PFDN6: variants seen among roughly 807,000 people sequenced by gnomAD.
The protein encoded by PFDN6 is prefoldin subunit 6.
A neutral mutation model predicts 19.3 loss-of-function variants in PFDN6; 5 were observed. The ratio of observed to expected loss-of-function variants is 0.26; its 90% CI spans 0.14 to 0.55. PFDN6 has a LOEUF of 0.55. Ranked by LOEUF, PFDN6 falls within the 20% of genes least tolerant of loss-of-function variation. PFDN6 has a pLI of 0.94. For synonymous variants in PFDN6, 51 were observed against 63.4 expected, an observed-to-expected ratio of 0.80 and a Z score of 0.93; for missense variants, 101 against 149.4, an observed-to-expected ratio of 0.68 and a Z score of 1.69.
At chr6:33,289,347 T>C, upstream of PFDN6, 1 of 1,353,948 alleles carries the variant, frequency 7.4e-7, no homozygotes, top group Non-Finnish European at 9.5e-7. Context: ...GAACAGTTTT[T>C]GGCACCTTAT....
At chr6:33,290,291 T>G in intron 2 of PFDN6, 35 bp from the exon 3 acceptor site, 1 of 1,613,946 alleles carries the variant, frequency 6.2e-7, no homozygotes, top group Non-Finnish European at 8.5e-7. Context: ...GTACTAGCCA[T>G]GGTTCTGATC....
At position 33,289,675 on chromosome 6, in the gene PFDN6, A is replaced by G. The variant is rs145180072; in HGVS notation, c.-182A>G. On this transcript the variant is annotated 5_prime_UTR_variant, in exon 1 of 4. Transcript: ENST00000374606. Reference sequence around the variant, plus strand: ...CTTGGGGTCTTGCGTTTCGCCCACCATCTCCTGGGGACAGGGTGGAGTCGA... The same window carrying G: ...CTTGGGGTCTTGCGTTTCGCCCACCGTCTCCTGGGGACAGGGTGGAGTCGA... 60 of 545,494 alleles carry G rather than the reference A, an allele frequency of 1.1e-4. No individual in the cohort carries two copies. In the East Asian group the frequency reaches 1.9e-3, roughly 18 times the overall value. The allele number at this position is 545,494 out of a possible 1,614,324, so 33.8% of individuals were successfully genotyped here.
Position 33,289,735 on chromosome 6 carries a change from A to T in PFDN6, c.-122A>T. 1.3e-6 allele frequency: 1 copy of T among 772,478 alleles called. No homozygotes were observed. The highest frequency in any genetic ancestry group is 2.0e-6 in the Non-Finnish European group (1 of 498,066). The allele number at this position is 772,478 out of a possible 1,614,324, so 47.9% of individuals were successfully genotyped here. On this transcript the variant is annotated 5_prime_UTR_variant, in exon 1 of 4. Transcript: ENST00000374606. The stretch of plus-strand genomic sequence containing the variant: ...CGGGGGGGAGGTTGCGGTGCCCCTC[A>T]GGGCTACCTCTCAAGAGTGCTATCA...
At chr6:33,289,337 G>A, upstream of PFDN6, 2 of 1,374,880 alleles carry the variant, frequency 1.5e-6, no homozygotes, top group Non-Finnish European at 9.4e-7. Context: ...TAGAGGGGCG[G>A]AACAGTTTTT....
At chr6:33,290,481 A>G (rs1242446636) in intron 3 of PFDN6, 31 bp downstream of exon 3, 1 of 1,531,360 alleles carries the variant, frequency 6.5e-7, no homozygotes, top group African/African-American at 1.4e-5. Flanking sequence ...CGTGTGCTGC[A>G]CCCTGTGATG....
At chr6:33,290,140 G>A (rs766912789) in intron 1 of PFDN6, 34 bp from the exon 2 acceptor site, 2 of 1,607,646 alleles carry the variant, frequency 1.2e-6, no homozygotes, top group South Asian at 2.2e-5. Context: ...TGGCACATTT[G>A]ATGTTTCTAA....
At chr6:33,289,991 T>C in intron 1 of PFDN6, 71 bp downstream of exon 1, 1 of 1,457,262 alleles carries the variant, frequency 6.9e-7, no homozygotes, top group Non-Finnish European at 9.5e-7. Flanking sequence ...AGATAAGGTT[T>C]GTTGCCCCAT....
At chr6:33,290,483 C>T (rs959642968) in intron 3 of PFDN6, 33 bp downstream of exon 3, 4 of 1,529,352 alleles carry the variant, frequency 2.6e-6, no homozygotes, top group Non-Finnish European at 3.5e-6. Context: ...TGTGCTGCAC[C>T]CTGTGATGCA....
intron 1 of PFDN6, 111 bp from the exon 2 acceptor site, chr6:33,290,063 C>A: frequency 1.5e-6 from 2 of 1,339,484 alleles, no homozygotes; most frequent in Non-Finnish European, 2.1e-6. Context: ...TGTTCACTCA[C>A]CCGCTGCCCC....
rs952153281 is a variant in PFDN6 at position 33,290,929 on chromosome 6, C to A, written c.*84C>A. On this transcript the variant is annotated 3_prime_UTR_variant, in exon 4 of 4. Transcript: ENST00000374606. The stretch of plus-strand genomic sequence containing the variant: ...CTGTAGCTAATAAAATGTAAAAACA[C>A]CTGGCTCTGTTTCCTGACCAGGCAC... 1.7e-5 allele frequency: 22 copies of A among 1,328,066 alleles called. No homozygotes were observed. The African/African-American group carries it at 3.1e-4, about 18-fold the overall frequency. The allele number at this position is 1,328,066 out of a possible 1,614,324, so 82.3% of individuals were successfully genotyped here.
intron 3 of PFDN6, 80 bp from the exon 4 acceptor site, chr6:33,290,634 ATC>A: frequency 6.5e-7 from 1 of 1,540,462 alleles, no homozygotes; most frequent in Non-Finnish European, 8.9e-7. Context: ...TTTTCCACCT[ATC>A]TCTTTCTTGC....
chr6:33,289,830 C>T lies in PFDN6; in HGVS notation c.-27C>T, dbSNP rs764383675. Reference sequence around the variant, plus strand: ...AGAGTGAGACCCAGCGCCCTTGTCTCGCACCCAGTAGGCTTTCATCCCCGC... The same window carrying T: ...AGAGTGAGACCCAGCGCCCTTGTCTTGCACCCAGTAGGCTTTCATCCCCGC... On this transcript the variant is annotated 5_prime_UTR_variant, in exon 1 of 4. Transcript: ENST00000374606. 33 of 1,566,770 alleles carry T rather than the reference C, an allele frequency of 2.1e-5. No individual in the cohort carries two copies. The highest frequency in any genetic ancestry group is 2.7e-5 in the Non-Finnish European group (31 of 1,157,670).
At chr6:33,290,557 C>T (rs1554271331) in intron 3 of PFDN6, 107 bp downstream of exon 3, 1 of 1,462,628 alleles carries the variant, frequency 6.8e-7, no homozygotes, top group Non-Finnish European at 9.3e-7. Flanking sequence ...GGCCCCTAGT[C>T]CTCCAGTTCC....
rs1472373515 is a variant in PFDN6 at position 33,290,766 on chromosome 6, A to T, written c.311A>T (p.Gln104Leu). ...GATCTTGAGCGGCAGTCAGAGCAAC[A>T]GAGGGAGACCCTTGCTCAGCTGCAG... ...LRDLERQSEQQRETLAQLQQE... is the reference protein window; with the variant it reads ...LRDLERQSEQLRETLAQLQQE... Residue 104 changes from glutamine to leucine, a missense_variant, in exon 4 of 4, where the codon CAG (glutamine) becomes CTG (leucine). Coordinates refer to ENST00000374606, the MANE Select transcript of PFDN6 (RefSeq NM_001185181.3). 1 of 1,611,140 alleles carries T rather than the reference A, an allele frequency of 6.2e-7. No individual in the cohort carries two copies. Among genetic ancestry groups the T allele is most frequent in the African/African-American group, 1.3e-5 (1 of 74,902 alleles).
intron 3 of PFDN6, 124 bp downstream of exon 3, chr6:33,290,574 C>T: frequency 2.1e-6 from 3 of 1,458,546 alleles, no homozygotes; most frequent in African/African-American, 1.4e-5. Flanking sequence ...TTCCTCCAAC[C>T]CTTTCCTTCC....
In PFDN6 at chr6:33,289,737, G is replaced by A; in HGVS notation, c.-120G>A. Reference sequence around the variant, plus strand: ...GGGGGGAGGTTGCGGTGCCCCTCAGGGCTACCTCTCAAGAGTGCTATCATT... The same window carrying A: ...GGGGGGAGGTTGCGGTGCCCCTCAGAGCTACCTCTCAAGAGTGCTATCATT... On this transcript the variant is annotated 5_prime_UTR_variant, in exon 1 of 4. Transcript: ENST00000374606. The A allele has an allele frequency of 2.3e-5, 18 of 791,700 alleles. No homozygotes were observed. The highest frequency in any genetic ancestry group is 3.5e-5 in the Non-Finnish European group (18 of 512,322). The allele number at this position is 791,700 out of a possible 1,614,324, so 49.0% of individuals were successfully genotyped here. A position where few individuals can be genotyped will look rare whatever the true frequency, so the allele number is the denominator to read the frequency against.
In PFDN6 at chr6:33,290,931, T is replaced by G. The variant is rs1445702360; in HGVS notation, c.*86T>G. 1.5e-6 allele frequency: 2 copies of G among 1,310,306 alleles called. No individual in the cohort carries two copies. The highest frequency in any genetic ancestry group is 2.1e-6 in the Non-Finnish European group (2 of 959,144). The allele number at this position is 1,310,306 out of a possible 1,614,324, so 81.2% of individuals were successfully genotyped here. A position where few individuals can be genotyped will look rare whatever the true frequency, so the allele number is the denominator to read the frequency against. On this transcript the variant is annotated 3_prime_UTR_variant, in exon 4 of 4. Transcript: ENST00000374606. ...GTAGCTAATAAAATGTAAAAACACC[T>G]GGCTCTGTTTCCTGACCAGGCACTT...
At chr6:33,289,425 G>A (rs1049689068), upstream of PFDN6, 44 of 1,300,960 alleles carry the variant, frequency 3.4e-5, no homozygotes, top group Non-Finnish European at 4.0e-5. Context: ...GGGCTAAGTA[G>A]CGGTGCGGTT....
chr6:33,290,262 G>C lies in PFDN6; in HGVS notation c.135+18G>C. On this transcript the variant is annotated intron_variant, in intron 2 of 3. Coordinates refer to ENST00000374606, the MANE Select transcript of PFDN6 (RefSeq NM_001185181.3). ...TGAAAGAGGTGAGGGACTGGGATTT[G>C]TGGGGCGAGGAGGGACCTGTACTAG... The C allele has an allele frequency of 6.2e-7, 1 of 1,614,172 alleles. No homozygotes were observed. The highest frequency in any genetic ancestry group is 8.5e-7 in the Non-Finnish European group (1 of 1,180,012).
Sources: gnomAD v4.1 joint callset for allele counts on GRCh38, gnomAD v4.1.1 for gene constraint, MANE v1.5 for transcripts, NCBI Gene and HGNC (gene_info 2026-07-23, HGNC 2026-07-21) for gene names.